RSPH14: variants seen among roughly 807,000 people sequenced by gnomAD.
RSPH14 encodes rhabdoid tumor deletion region gene 1.
In RSPH14, 20 loss-of-function variants were observed where a neutral mutation model predicts 26.7. The ratio of observed to expected loss-of-function variants is 0.75; its 90% confidence interval spans 0.53 to 1.09. The LOEUF (loss-of-function observed/expected upper bound fraction) is 1.09, where lower values mean the gene tolerates loss of function less well. Ranked by LOEUF, RSPH14 falls within the 50% of genes least tolerant of loss-of-function variation. The probability of loss-of-function intolerance (pLI) is 0.00; values close to 1 mark genes in which losing one functional copy is unlikely to be tolerated. For synonymous variants in RSPH14, 177 were observed against 189.3 expected (o/e 0.93, Z 0.53); for missense variants, 449 against 457.2 (o/e 0.98, Z 0.16).
chr22:23,148,246 G>A (rs566776781), upstream of RSPH14, among the ~76,000 whole-genome samples: 1 of 152,156 alleles, frequency 6.6e-6, no homozygotes, highest in Non-Finnish European at 1.5e-5. Flanking sequence ...AGTTCCCCAT[G>A]GGTTTTCCAT....
At chr22:23,159,049 G>A in the RSPH14 span, 9 of 1,586,142 alleles carry the variant, frequency 5.7e-6, no homozygotes, top group South Asian at 8.9e-5. Flanking sequence ...CCTCATTGGA[G>A]GAGCCATGGG....
At chr22:23,157,155 C>T in the RSPH14 span, among the ~76,000 whole-genome samples, 1 of 152,194 alleles carries the variant, frequency 6.6e-6, no homozygotes, top group African/African-American at 2.4e-5. Context: ...TTTCTGCCCA[C>T]CTGGCTCCCC....
chr22:23,178,599 G>A, the RSPH14 span, among the ~76,000 whole-genome samples: 1 of 152,210 alleles, frequency 6.6e-6, no homozygotes, highest in Non-Finnish European at 1.5e-5. Flanking sequence ...GACCAGGATG[G>A]CAGGAGGTTA....
chr22:23,065,043 C>T (rs1292599776), intron 4 of RSPH14, among the ~76,000 whole-genome samples: 1 of 152,212 alleles, frequency 6.6e-6, no homozygotes, highest in Non-Finnish European at 1.5e-5. Context: ...CCACTGCCTA[C>T]TGCAAAGCCA....
intron 4 of RSPH14, among the ~76,000 whole-genome samples, chr22:23,065,439 T>C (rs879626150): frequency 1.4e-5 from 2 of 147,090 alleles, no homozygotes; most frequent in Non-Finnish European, 3.0e-5. Context: ...CAGCTAGATC[T>C]GCCCTGTTTG....
chr22:23,154,164 C>CA, the RSPH14 span, among the ~76,000 whole-genome samples: 1 of 152,140 alleles, frequency 6.6e-6, no homozygotes, highest in Admixed American at 6.5e-5. Context: ...GAGAATGCTG[C>CA]AGGCCTGCCT....
intron 4 of RSPH14, among the ~76,000 whole-genome samples, chr22:23,130,129 AAGAAAGAAAGAAAGAAAGAAAGAAAG>A (rs1268296617): frequency 2.9e-5 from 3 of 103,370 alleles, no homozygotes; most frequent in African/African-American, 6.7e-5. Flanking sequence ...GAAAGAAAGA[AAGAAAGAAAGAAAGAAAGAAAGAAAG>A]AAAGAAAAAG....
At chr22:23,063,813 C>A in intron 5 of RSPH14, 89 bp downstream of exon 5, 1 of 1,264,740 alleles carries the variant, frequency 7.9e-7, no homozygotes, top group South Asian at 1.3e-5. Flanking sequence ...GGAAGCAGGC[C>A]CAGGGTGGCC....
At chr22:23,103,058 T>TGCAGAGGAGAGTGCTGAGACC (rs1473267839) in intron 4 of RSPH14, among the ~76,000 whole-genome samples, 4 of 152,196 alleles carry the variant, frequency 2.6e-5, no homozygotes, top group Non-Finnish European at 5.9e-5. Flanking sequence ...GGCTGCTTCC[T>TGCAGAGGAGAGTGCTGAGACC]GCAGAGGAGA....
At chr22:23,159,479 G>A in the RSPH14 span, among the ~76,000 whole-genome samples, 7 of 152,386 alleles carry the variant, frequency 4.6e-5, no homozygotes, top group Non-Finnish European at 1.0e-4. Flanking sequence ...CTGCCTCACG[G>A]ATGGGGGAAT....
chr22:23,093,960 G>T (rs2069055200), intron 4 of RSPH14, among the ~76,000 whole-genome samples: 3 of 152,202 alleles, frequency 2.0e-5, no homozygotes, highest in African/African-American at 7.2e-5. Context: ...TCTGTGAGGG[G>T]CAAGGGACAG....
chr22:23,077,563 C>G (rs1452555982), intron 4 of RSPH14, among the ~76,000 whole-genome samples: 1 of 152,112 alleles, frequency 6.6e-6, no homozygotes, highest in Admixed American at 6.5e-5. Flanking sequence ...AGGTGCTAAA[C>G]CGTGTGGTTT....
At chr22:23,162,830 A>C in the RSPH14 span, 1 of 438,684 alleles carries the variant, frequency 2.3e-6, no homozygotes, top group African/African-American at 2.0e-5. Flanking sequence ...AGCGATTGCC[A>C]AATACCAGTT....
intron 4 of RSPH14, among the ~76,000 whole-genome samples, chr22:23,110,707 G>T (rs775831390): frequency 1.6e-4 from 24 of 152,252 alleles, no homozygotes; most frequent in Admixed American, 5.9e-4. Flanking sequence ...GGGTGAGGGT[G>T]TCCACCCTGG....
upstream of RSPH14, chr22:23,145,242 G>GCCCCCCCCC: frequency 3.6e-6 from 3 of 837,614 alleles, no homozygotes; most frequent in Non-Finnish European, 3.7e-6. Flanking sequence ...GGCCTCCATA[G>GCCCCCCCCC]CCCCGCCCAC....
chr22:23,065,898 C>T (rs1255015976), intron 4 of RSPH14, among the ~76,000 whole-genome samples: 1 of 152,122 alleles, frequency 6.6e-6, no homozygotes, highest in East Asian at 1.9e-4. Context: ...GCAGAAACCC[C>T]CCAACCCTAC....
chr22:23,174,628 C>T, the RSPH14 span, among the ~76,000 whole-genome samples: 1 of 151,528 alleles, frequency 6.6e-6, no homozygotes, highest in Non-Finnish European at 1.5e-5. Context: ...AAATCGCACT[C>T]CTTATGCGCA....
At chr22:23,082,283 C>T (rs558948050) in intron 4 of RSPH14, among the ~76,000 whole-genome samples, 11 of 151,588 alleles carry the variant, frequency 7.3e-5, no homozygotes, top group African/African-American at 2.7e-4. Flanking sequence ...ATGGCGCGAT[C>T]TCGGCTCACT....
At chr22:23,174,674 T>TAAA in the RSPH14 span, among the ~76,000 whole-genome samples, 63 of 143,410 alleles carry the variant, frequency 4.4e-4, no homozygotes, top group South Asian at 3.5e-3. Flanking sequence ...AATAAAGTTG[T>TAAA]AAAAAAAAAA....
Sources: allele counts gnomAD v4.1 joint callset (sites outside exome capture counted in the v4.1 genomes callset), GRCh38; gene constraint gnomAD v4.1.1; transcripts MANE v1.5; gene names NCBI Gene and HGNC (gene_info 2026-07-23, HGNC 2026-07-21).